The following ELMO1 variants were observed in gnomAD, a reference collection of about 807,000 sequenced individuals.
The protein encoded by ELMO1 is engulfment and cell motility protein 1.
A neutral mutation model predicts 98.9 loss-of-function variants in ELMO1; 26 were observed. The observed-to-expected ratio is 0.26, with a 90% CI of 0.19 to 0.36. The LOEUF (loss-of-function observed/expected upper bound fraction) is 0.36, where lower values mean the gene tolerates loss of function less well. Ranked by LOEUF, ELMO1 falls within the 10% of genes least tolerant of loss-of-function variation. ELMO1 has a pLI of 1.00. For synonymous variants in ELMO1, 346 were observed against 346.0 expected (o/e 1.00, Z 0.00); for missense variants, 627 against 935.2 (o/e 0.67, Z 4.30).
At chr7:37,395,164 G>C (rs765319835) in intron 1 of ELMO1, among the ~76,000 whole-genome samples, 1 of 152,006 alleles carries the variant, frequency 6.6e-6, no homozygotes, top group African/African-American at 2.4e-5. Context: ...TCGGGAGTTT[G>C]AGACCAGCCT....
intron 15 of ELMO1, among the ~76,000 whole-genome samples, chr7:37,054,760 T>C (rs569776737): frequency 2.6e-4 from 39 of 152,342 alleles, no homozygotes; most frequent in African/African-American, 7.5e-4. Context: ...CAACCCCTTG[T>C]AGATAGCATG....
At chr7:37,120,485 G>A (rs775771619) in intron 14 of ELMO1, among the ~76,000 whole-genome samples, 3 of 152,214 alleles carry the variant, frequency 2.0e-5, no homozygotes, top group South Asian at 2.1e-4. Flanking sequence ...CATATCCCAC[G>A]TCTGGCTCAG....
chr7:36,872,378 T>C (rs1244128083), intron 19 of ELMO1, among the ~76,000 whole-genome samples: 1 of 152,210 alleles, frequency 6.6e-6, no homozygotes, highest in East Asian at 1.9e-4. Context: ...TGAATGACTA[T>C]ATGGAGCAGC....
intron 7 of ELMO1, among the ~76,000 whole-genome samples, chr7:37,242,131 A>C (rs1370117460): frequency 6.6e-6 from 1 of 152,098 alleles, no homozygotes. Context: ...CAGATAACTT[A>C]TTATCTCACA....
At chr7:37,154,348 C>T (rs921248476) in intron 13 of ELMO1, among the ~76,000 whole-genome samples, 1 of 152,036 alleles carries the variant, frequency 6.6e-6, no homozygotes, top group Non-Finnish European at 1.5e-5. Flanking sequence ...TTCAGAAGGT[C>T]GGTAATAACA....
chr7:37,052,601 C>T (rs1226857694), intron 15 of ELMO1, among the ~76,000 whole-genome samples: 2 of 152,096 alleles, frequency 1.3e-5, no homozygotes, highest in Non-Finnish European at 2.9e-5. Context: ...TCAATATAGA[C>T]CTATGAATGT....
At chr7:37,409,991 A>G (rs751740273) in intron 1 of ELMO1, among the ~76,000 whole-genome samples, 4 of 152,216 alleles carry the variant, frequency 2.6e-5, no homozygotes, top group Non-Finnish European at 5.9e-5. Context: ...TGAAAAGGTA[A>G]TTATCTCCCT....
chr7:37,274,794 G>A (rs1584904476), intron 4 of ELMO1, among the ~76,000 whole-genome samples: 1 of 152,202 alleles, frequency 6.6e-6, no homozygotes, highest in African/African-American at 2.4e-5. Flanking sequence ...CTTGTGATCT[G>A]CCCATCTCAG....
At chr7:37,421,971 T>G (rs1269490780) in intron 1 of ELMO1, among the ~76,000 whole-genome samples, 2 of 152,152 alleles carry the variant, frequency 1.3e-5, no homozygotes, top group African/African-American at 4.8e-5. Flanking sequence ...CCTCCCAAAA[T>G]GTAGACAAGG....
At chr7:37,133,915 C>T (rs1787092002) in intron 13 of ELMO1, among the ~76,000 whole-genome samples, 1 of 152,096 alleles carries the variant, frequency 6.6e-6, no homozygotes, top group African/African-American at 2.4e-5. Context: ...ACTCAAACAC[C>T]TCAGCAACAC....
intron 1 of ELMO1, among the ~76,000 whole-genome samples, chr7:37,437,123 C>A (rs747060651): frequency 2.6e-5 from 4 of 152,070 alleles, no homozygotes; most frequent in African/African-American, 4.8e-5. Flanking sequence ...CATATGAAAC[C>A]CAGTTCAACT....
intron 14 of ELMO1, among the ~76,000 whole-genome samples, chr7:37,103,302 T>C (rs1784742499): frequency 6.6e-6 from 1 of 152,178 alleles, no homozygotes; most frequent in Non-Finnish European, 1.5e-5. Context: ...TTGCTTTTTT[T>C]GGTAAAGTAA....
intron 13 of ELMO1, among the ~76,000 whole-genome samples, chr7:37,200,041 C>T (rs1294030921): frequency 6.6e-6 from 1 of 152,112 alleles, no homozygotes; most frequent in Non-Finnish European, 1.5e-5. Context: ...CAAAGCTAAC[C>T]TTTTCTTTCC....
chr7:37,401,523 C>T (rs575234014), intron 1 of ELMO1, among the ~76,000 whole-genome samples: 2 of 152,154 alleles, frequency 1.3e-5, no homozygotes, highest in East Asian at 3.9e-4. Flanking sequence ...ATAAAGGAAA[C>T]AAGTTTAATT....
At chr7:37,326,315 A>C (rs764329700) in intron 2 of ELMO1, among the ~76,000 whole-genome samples, 14 of 152,098 alleles carry the variant, frequency 9.2e-5, no homozygotes, top group Non-Finnish European at 1.9e-4. Context: ...AGCACTTTGG[A>C]AGGCCAAGGC....
At chr7:36,952,418 CG>C (rs919069961) in intron 16 of ELMO1, among the ~76,000 whole-genome samples, 1 of 152,058 alleles carries the variant, frequency 6.6e-6, no homozygotes, top group African/African-American at 2.4e-5. Context: ...GCAAGCGGGG[CG>C]GGGAGACGAG....
chr7:37,166,597 C>A (rs1011956013), intron 13 of ELMO1, among the ~76,000 whole-genome samples: 2 of 151,920 alleles, frequency 1.3e-5, no homozygotes, highest in Non-Finnish European at 2.9e-5. Flanking sequence ...CGTTATGTAC[C>A]CAGTAGTCAT....
intron 16 of ELMO1, among the ~76,000 whole-genome samples, chr7:36,914,357 C>G (rs1784542080): frequency 6.6e-6 from 1 of 152,184 alleles, no homozygotes; most frequent in South Asian, 2.1e-4. Flanking sequence ...GCTTTTTAAA[C>G]TAGTACTATA....
intron 13 of ELMO1, among the ~76,000 whole-genome samples, chr7:37,170,970 C>CA (rs1253588641): frequency 2.0e-5 from 3 of 151,978 alleles, no homozygotes; most frequent in East Asian, 1.9e-4. Context: ...GCAAAATAAA[C>CA]AAAAAAATTC....
Sources: allele counts gnomAD v4.1 joint callset (sites outside exome capture counted in the v4.1 genomes callset), GRCh38; gene constraint gnomAD v4.1.1; transcripts MANE v1.5; gene names NCBI Gene and HGNC (gene_info 2026-07-23, HGNC 2026-07-21).